The following DIAPH3 variants were observed in gnomAD, a reference collection of about 807,000 sequenced individuals.
The protein encoded by DIAPH3 is diaphanous related formin 3.
DIAPH3 carries 117 observed loss-of-function variants against 144.3 expected under a neutral mutation model. The observed-to-expected ratio is 0.81, with a 90% CI of 0.70 to 0.95. The LOEUF (loss-of-function observed/expected upper bound fraction) is 0.95. Among genes scored for constraint, DIAPH3 ranks in the 40% least tolerant of loss-of-function variants. The probability of loss-of-function intolerance (pLI) is 0.00; values close to 1 mark genes in which losing one functional copy is unlikely to be tolerated. For missense variants in DIAPH3, 1,421 were observed against 1,412.7 expected, an observed-to-expected ratio of 1.01 and a Z score of -0.09; for synonymous variants, 519 against 488.9, an observed-to-expected ratio of 1.06 and a Z score of -0.81.
intron 3 of DIAPH3, among the ~76,000 whole-genome samples, chr13:60,105,117 A>AAAAAAAC (rs1325817326): frequency 6.1e-5 from 9 of 146,752 alleles, no homozygotes; most frequent in Non-Finnish European, 1.2e-4. Flanking sequence ...AAAAAAAAAA[A>AAAAAAAC]AAAAAAAACT....
At chr13:60,141,085 T>A (rs2059416561) in intron 1 of DIAPH3, among the ~76,000 whole-genome samples, 1 of 152,168 alleles carries the variant, frequency 6.6e-6, no homozygotes, top group South Asian at 2.1e-4. Context: ...GTGGCAACAA[T>A]AATATATTGA....
chr13:59,870,331 A>AT (rs929282408), intron 21 of DIAPH3, among the ~76,000 whole-genome samples: 1 of 151,384 alleles, frequency 6.6e-6, no homozygotes. Flanking sequence ...AATTATTTTT[A>AT]TTTTTTTTCC....
At chr13:59,689,874 A>G (rs1284285929) in intron 27 of DIAPH3, among the ~76,000 whole-genome samples, 1 of 151,992 alleles carries the variant, frequency 6.6e-6, no homozygotes, top group African/African-American at 2.4e-5. Context: ...AATTCAGACC[A>G]TATAATTATG....
intron 1 of DIAPH3, 117 bp downstream of exon 1, chr13:60,163,470 G>T: frequency 2.8e-4 from 358 of 1,285,536 alleles, no homozygotes; most frequent in Middle Eastern, 5.3e-4. Flanking sequence ...TATGATCTTT[G>T]GCACCTCTGG....
intron 27 of DIAPH3, among the ~76,000 whole-genome samples, chr13:59,743,856 C>A (rs2036580323): frequency 6.6e-6 from 1 of 152,046 alleles, no homozygotes; most frequent in Non-Finnish European, 1.5e-5. Flanking sequence ...CAAGGGACTG[C>A]AACAGGGAGA....
At chr13:59,840,705 G>A (rs1481148164) in intron 22 of DIAPH3, among the ~76,000 whole-genome samples, 3 of 151,910 alleles carry the variant, frequency 2.0e-5, no homozygotes, top group Non-Finnish European at 2.9e-5. Flanking sequence ...GAACTCTTCC[G>A]AGAACCACAT....
intron 4 of DIAPH3, among the ~76,000 whole-genome samples, chr13:60,058,836 G>C (rs1234729823): frequency 6.6e-6 from 1 of 151,906 alleles, no homozygotes; most frequent in Non-Finnish European, 1.5e-5. Context: ...TCATTTATAA[G>C]TTGGAGCTAT....
At chr13:59,735,679 T>G (rs1219818839) in intron 27 of DIAPH3, among the ~76,000 whole-genome samples, 2 of 152,160 alleles carry the variant, frequency 1.3e-5, no homozygotes, top group Non-Finnish European at 2.9e-5. Flanking sequence ...GGTAGATTTT[T>G]TTTTTCCCCA....
chr13:59,743,181 T>C (rs1423302333), intron 27 of DIAPH3, among the ~76,000 whole-genome samples: 1 of 152,080 alleles, frequency 6.6e-6, no homozygotes, highest in Admixed American at 6.5e-5. Flanking sequence ...TTGGCAGTGA[T>C]AGTATGAAGG....
intron 1 of DIAPH3, among the ~76,000 whole-genome samples, chr13:60,163,362 C>A (rs1952391040): frequency 6.6e-6 from 1 of 152,224 alleles, no homozygotes; most frequent in Admixed American, 6.5e-5. Context: ...CACGTTTGAA[C>A]TGCTTTTCAC....
In DIAPH3 at chr13:59,736,314, GA is replaced by G. The variant is rs1159764506; in HGVS notation, c.3319+37874del. Among the ~76,000 whole-genome samples, 3 of 152,174 alleles carry G rather than the reference GA, an allele frequency of 2.0e-5. No individual in the cohort carries two copies. In the East Asian group the frequency reaches 5.8e-4, roughly 29 times the overall value. ...CCTTTGGATATATACCCAGTAATGG[GA>G]TTGCTGGATTGAATGGTATTTCTGT... On this transcript the variant is annotated intron_variant, in intron 27 of 27. Coordinates refer to ENST00000400324, the MANE Select transcript of DIAPH3 (RefSeq NM_001042517.2).
intron 18 of DIAPH3, among the ~76,000 whole-genome samples, chr13:59,919,193 G>A (rs1279888952): frequency 6.6e-6 from 1 of 152,038 alleles, no homozygotes; most frequent in African/African-American, 2.4e-5. Flanking sequence ...CAGCATTAAA[G>A]AGCAAAAACG....
At chr13:59,994,696 A>C (rs1407627518) in intron 9 of DIAPH3, among the ~76,000 whole-genome samples, 1 of 151,968 alleles carries the variant, frequency 6.6e-6, no homozygotes, top group Non-Finnish European at 1.5e-5. Flanking sequence ...ATCTAAGCCG[A>C]GGAATTAACA....
At chr13:59,718,124 A>C (rs1477244637) in intron 27 of DIAPH3, among the ~76,000 whole-genome samples, 1 of 149,080 alleles carries the variant, frequency 6.7e-6, no homozygotes, top group South Asian at 2.1e-4. Flanking sequence ...TTCCAGTTTT[A>C]CAGGTGAGGA....
At position 60,042,909 on chromosome 13, in the gene DIAPH3, C is replaced by T. The variant is rs1594484030; in HGVS notation, c.496-89G>A. On this transcript the variant is annotated intron_variant, in intron 4 of 27. Coordinates refer to ENST00000400324, the MANE Select transcript of DIAPH3 (RefSeq NM_001042517.2). Reference sequence around the variant, plus strand: ...CAAGTTAATCTCCCTAACAGCAGCACATAACTACTATAATTAACACTATTT... The same window carrying T: ...CAAGTTAATCTCCCTAACAGCAGCATATAACTACTATAATTAACACTATTT... 18 of 1,437,600 alleles carry T rather than the reference C, an allele frequency of 1.3e-5. No individual in the cohort carries two copies. The East Asian group carries it at 3.1e-4, about 25-fold the overall frequency. 89.1% of individuals were successfully genotyped at this position (1,437,600 alleles called of 1,614,324 possible). A position where few individuals can be genotyped will look rare whatever the true frequency, so the allele number is the denominator to read the frequency against.
chr13:60,057,864 C>A (rs1216063117), intron 4 of DIAPH3, among the ~76,000 whole-genome samples: 1 of 151,784 alleles, frequency 6.6e-6, no homozygotes. Flanking sequence ...AAAACTGGAT[C>A]CCTATCACTC....
intron 18 of DIAPH3, among the ~76,000 whole-genome samples, chr13:59,921,010 T>C (rs2047481772): frequency 6.6e-6 from 1 of 151,058 alleles, no homozygotes; most frequent in African/African-American, 2.4e-5. Flanking sequence ...AATGAAGAAA[T>C]TAAAAGTCTT....
At chr13:60,042,960 T>C in intron 4 of DIAPH3, 140 bp from the exon 5 acceptor site, 2 of 909,200 alleles carry the variant, frequency 2.2e-6, no homozygotes, top group Non-Finnish European at 3.4e-6. Flanking sequence ...ATAATTTCCT[T>C]ACTTCTGCCC....
intron 22 of DIAPH3, among the ~76,000 whole-genome samples, chr13:59,858,201 C>A (rs1269940719): frequency 6.6e-6 from 1 of 151,860 alleles, no homozygotes; most frequent in Non-Finnish European, 1.5e-5. Context: ...GAAGGGTTCA[C>A]CATTAGGCTA....
Sources: allele counts gnomAD v4.1 joint callset (sites outside exome capture counted in the v4.1 genomes callset), GRCh38; gene constraint gnomAD v4.1.1; transcripts MANE v1.5; gene names NCBI Gene and HGNC (gene_info 2026-07-23, HGNC 2026-07-21).